Variants in NPRL3 observed in about 807,000 individuals in gnomAD.
NPRL3 encodes NPR3 like, GATOR1 complex subunit.
A neutral mutation model predicts 57.2 loss-of-function variants in NPRL3; 23 were observed. That is an observed-to-expected ratio of 0.40 (90% CI 0.29 to 0.57). The LOEUF is 0.57. Ranked by LOEUF, NPRL3 falls within the 20% of genes least tolerant of loss-of-function variation. NPRL3 has a pLI of 0.42. For missense variants in NPRL3, 691 were observed against 767.1 expected, an observed-to-expected ratio of 0.90 and a Z score of 1.17; for synonymous variants, 333 against 321.1, an observed-to-expected ratio of 1.04 and a Z score of -0.39.
At position 93,299 on chromosome 16, in the gene NPRL3, C is replaced by T. The variant is rs747655659; in HGVS notation, c.951G>A (p.Val317=). The change falls in exon 10 of 14, where the codon GTG becomes GTA. Residue 317 remains valine (V), a synonymous_variant. Transcript: ENST00000611875. ...AGATGATGATGGCCTTGCCCCAGTA[C>T]ACCAGATGAGCTGCAAGCTGGAAAA... ...LQVFQLAAHL[V]YWGKAIIIYP... is the part of the protein sequence containing the mutation. The T allele has an allele frequency of 1.3e-4, 198 of 1,558,562 alleles. No homozygotes were observed. Among genetic ancestry groups the T allele is most frequent in the Non-Finnish European group, 1.6e-4 (182 of 1,151,040 alleles).
chr16:88,274 A>G (rs991786390), intron 13 of NPRL3, among the ~76,000 whole-genome samples: 1 of 151,922 alleles, frequency 6.6e-6, no homozygotes, highest in African/African-American at 2.4e-5. Flanking sequence ...CCAGCTACTC[A>G]GGAGGCTGAG....
chr16:89,133 C>G, intron 12 of NPRL3: 1 of 531,848 alleles, frequency 1.9e-6, no homozygotes, highest in South Asian at 2.5e-5. Context: ...AACAGAGGTG[C>G]GATGTGTGCC....
At chr16:131,781 T>C (rs1468665576) in intron 2 of NPRL3, among the ~76,000 whole-genome samples, 1 of 152,050 alleles carries the variant, frequency 6.6e-6, no homozygotes, top group African/African-American at 2.4e-5. Flanking sequence ...GCTACATCTA[T>C]CAATTTACTC....
intron 1 of NPRL3, 94 bp from the exon 2 acceptor site, chr16:138,428 G>T (rs1901237097): frequency 1.5e-5 from 4 of 268,476 alleles, no homozygotes; most frequent in Non-Finnish European, 2.1e-5. Flanking sequence ...GGCGGAGGGG[G>T]CCTGAGGAGG....
intron 11 of NPRL3, chr16:90,587 G>A (rs1256835112): frequency 1.3e-5 from 2 of 152,602 alleles, no homozygotes; most frequent in African/African-American, 4.8e-5. Flanking sequence ...GCCAGGTAGA[G>A]TCCAGTCCCC....
chr16:96,035 A>G (rs1266693049), intron 9 of NPRL3, among the ~76,000 whole-genome samples: 1 of 152,202 alleles, frequency 6.6e-6, no homozygotes, highest in Non-Finnish European at 1.5e-5. Flanking sequence ...ACAGCAGGGA[A>G]GGGGTACAGA....
At chr16:113,794 G>A (rs1482317210) in intron 5 of NPRL3, among the ~76,000 whole-genome samples, 1 of 152,188 alleles carries the variant, frequency 6.6e-6, no homozygotes, top group East Asian at 1.9e-4. Context: ...CAGGCTTCAG[G>A]GGCAAAGCCT....
chr16:89,344 G>A, intron 12 of NPRL3: 2 of 283,566 alleles, frequency 7.1e-6, no homozygotes. Flanking sequence ...ACAGGCTGCT[G>A]CCCTCAAGCC....
intron 2 of NPRL3, among the ~76,000 whole-genome samples, chr16:135,592 G>C (rs1901035466): frequency 1.5e-5 from 2 of 129,296 alleles, no homozygotes; most frequent in Admixed American, 9.1e-5. Context: ...CTGGGCAACA[G>C]AGTGAGACTC....
chr16:124,348 C>CT (rs879460995), intron 3 of NPRL3, among the ~76,000 whole-genome samples: 41 of 146,882 alleles, frequency 2.8e-4, no homozygotes, highest in East Asian at 3.9e-4. Flanking sequence ...CTTTTCTTTT[C>CT]TTTTTTTTTT....
At chr16:88,393 A>G (rs111692761) in intron 13 of NPRL3, among the ~76,000 whole-genome samples, 1 of 27,838 alleles carries the variant, frequency 3.6e-5, no homozygotes, top group East Asian at 1.6e-3. Flanking sequence ...GTCTCAAAAA[A>G]AAAAAAAAAA....
intron 8 of NPRL3, 66 bp from the exon 9 acceptor site, chr16:98,367 G>A (rs1899115330): frequency 1.9e-6 from 3 of 1,542,190 alleles, no homozygotes. Context: ...TATGCACCAG[G>A]TCCTGCACCA....
intron 4 of NPRL3, among the ~76,000 whole-genome samples, chr16:117,631 A>C (rs1451742316): frequency 6.6e-6 from 1 of 152,208 alleles, no homozygotes; most frequent in African/African-American, 2.4e-5. Flanking sequence ...ACAGGGGACG[A>C]GATGGAGAGG....
rs544157798 is a variant in NPRL3 at position 100,760 on chromosome 16, C to G, written c.630-251G>C. Among the ~76,000 whole-genome samples, 744 of 93,892 alleles carry G rather than the reference C, an allele frequency of 7.9e-3. 7 individuals are homozygous for G. The highest frequency in any genetic ancestry group is 0.031 in the African/African-American group (683 of 22,044). The allele number at this position is 93,892 out of a possible 152,430, so 61.6% of individuals were successfully genotyped here. On this transcript the variant is annotated intron_variant, in intron 7 of 13. Transcript: ENST00000611875. ...CAAGGTGGGCGGATCACGAGGTCAG[C>G]AGTTCGAGACCAGCCTGGCTAATAA...
rs1596495216 is a variant in NPRL3, at chr16:88,867, T to C, written c.1375A>G (p.Thr459Ala). ...SPTSSDDMTL[T>A]SPSMDNSSAE... ...CTGGAGTTGTCCATGCTGGGGCTGG[T>C]GAGGGTCATGTCATCGCTGCTGGCT... is the stretch of plus-strand genomic sequence containing the variant. The change falls in exon 13 of 14, where the codon ACC (threonine) becomes GCC (alanine). Residue 459 changes from threonine to alanine, a missense_variant. Transcript: ENST00000611875. 1 of 1,612,740 alleles carries C rather than the reference T, an allele frequency of 6.2e-7. No homozygotes were observed. Among genetic ancestry groups the C allele is most frequent in the South Asian group, 1.1e-5 (1 of 91,034 alleles).
intron 2 of NPRL3, among the ~76,000 whole-genome samples, chr16:136,705 A>C (rs576970523): frequency 6.6e-6 from 1 of 151,680 alleles, no homozygotes; most frequent in South Asian, 2.1e-4. Flanking sequence ...AAAAAAAAGA[A>C]AAAAGAAATA....
At chr16:127,724 G>A (rs1284360657) in intron 3 of NPRL3, among the ~76,000 whole-genome samples, 2 of 145,376 alleles carry the variant, frequency 1.4e-5, no homozygotes, top group Admixed American at 7.0e-5. Flanking sequence ...GCACAATCTT[G>A]GCTCACTGCA....
intron 7 of NPRL3, among the ~76,000 whole-genome samples, chr16:110,095 C>T (rs559972045): frequency 1.2e-4 from 18 of 152,126 alleles, no homozygotes; most frequent in Non-Finnish European, 2.5e-4. Flanking sequence ...CATGCAGAAA[C>T]CCCGTCTCTA....
At chr16:112,573 G>A in intron 6 of NPRL3, 49 bp downstream of exon 6, 1 of 1,441,730 alleles carries the variant, frequency 6.9e-7, no homozygotes, top group Non-Finnish European at 9.2e-7. Flanking sequence ...GCTGCAGAGA[G>A]GCCACCAGCC....
Sources: gnomAD v4.1 joint callset for allele counts (sites outside exome capture counted in the v4.1 genomes callset) on GRCh38, gnomAD v4.1.1 for gene constraint, MANE v1.5 for transcripts, NCBI Gene and HGNC (gene_info 2026-07-23, HGNC 2026-07-21) for gene names.